Variants in FARS2 observed in about 807,000 individuals in gnomAD.
The protein encoded by FARS2 is phenylalanyl-tRNA synthetase 2, mitochondrial, also known as phenylalanine--tRNA ligase, mitochondrial.
Under a neutral mutation model 46.4 loss-of-function variants are expected in FARS2, and 40 were observed. That is an observed-to-expected ratio of 0.86 (90% CI 0.67 to 1.12). FARS2 has a LOEUF of 1.12. Ranked by LOEUF, FARS2 falls within the 50% of genes most tolerant of loss-of-function variation. The pLI is 0.00. For synonymous variants in FARS2, 234 were observed against 214.9 expected (o/e 1.09, Z -0.78); for missense variants, 513 against 567.9 (o/e 0.90, Z 0.98).
At chr6:5,758,187 G>C (rs940084043) in intron 6 of FARS2, among the ~76,000 whole-genome samples, 1 of 151,982 alleles carries the variant, frequency 6.6e-6, no homozygotes, top group African/African-American at 2.4e-5. Flanking sequence ...TTGAAGTCCT[G>C]TAATGCAGCC....
At chr6:5,260,704 T>C, upstream of FARS2, 3 of 1,548,932 alleles carry the variant, frequency 1.9e-6, 1 homozygote, top group Non-Finnish European at 2.6e-6. Flanking sequence ...GGTACAGAGA[T>C]AACACTTGTG....
chr6:5,758,784 A>G (rs1009081808), intron 6 of FARS2, among the ~76,000 whole-genome samples: 3 of 152,118 alleles, frequency 2.0e-5, no homozygotes, highest in Admixed American at 6.5e-5. Context: ...AATGGAGTCA[A>G]TTTAAAGTTG....
At position 5,618,126 on chromosome 6, in the gene FARS2, C is replaced by T. The variant is rs185189258; in HGVS notation, c.1217+4806C>T. Among the ~76,000 whole-genome samples, 23 of 152,290 alleles carry T rather than the reference C, an allele frequency of 1.5e-4. No homozygotes were observed. In the East Asian group the frequency reaches 2.9e-3, roughly 19 times the overall value. Reference sequence around the variant, plus strand: ...TTGTGTTCCAATGAAGCTTTGACTACAATATCAGACAGTGGAATGTGAATT... The same window carrying T: ...TTGTGTTCCAATGAAGCTTTGACTATAATATCAGACAGTGGAATGTGAATT... On this transcript the variant is annotated intron_variant, in intron 6 of 6. Transcript: ENST00000274680.
At chr6:5,566,436 A>T (rs571257309) in intron 5 of FARS2, among the ~76,000 whole-genome samples, 15 of 152,264 alleles carry the variant, frequency 9.9e-5, no homozygotes, top group African/African-American at 3.6e-4. Context: ...GTTGATTTTG[A>T]GAGGGATTTA....
At chr6:5,401,532 G>A (rs1761253121) in intron 2 of FARS2, among the ~76,000 whole-genome samples, 1 of 152,070 alleles carries the variant, frequency 6.6e-6, no homozygotes, top group Non-Finnish European at 1.5e-5. Context: ...CCAGCTTTTA[G>A]TCTGAAATCT....
chr6:5,714,854 A>G (rs1759397950), intron 6 of FARS2, among the ~76,000 whole-genome samples: 1 of 152,092 alleles, frequency 6.6e-6, no homozygotes, highest in East Asian at 1.9e-4. Flanking sequence ...GTAAAACCCC[A>G]TGTCTACTAA....
chr6:5,629,416 G>A (rs567564091), intron 6 of FARS2, among the ~76,000 whole-genome samples: 37 of 152,126 alleles, frequency 2.4e-4, no homozygotes, highest in Non-Finnish European at 4.6e-4. Flanking sequence ...GATATGGAAG[G>A]GGCCTAGAAA....
chr6:5,507,330 G>A (rs1353393124), intron 4 of FARS2, among the ~76,000 whole-genome samples: 5 of 152,056 alleles, frequency 3.3e-5, no homozygotes, highest in African/African-American at 1.2e-4. Context: ...ACCCATTTGG[G>A]GTTTGAGGTA....
At chr6:5,704,333 G>T (rs2150889542) in intron 6 of FARS2, among the ~76,000 whole-genome samples, 1 of 152,260 alleles carries the variant, frequency 6.6e-6, no homozygotes, top group South Asian at 2.1e-4. Flanking sequence ...CTTCATAAGG[G>T]CTCTGCCCTC....
chr6:5,448,326 G>C (rs1764290461), intron 4 of FARS2, among the ~76,000 whole-genome samples: 1 of 152,158 alleles, frequency 6.6e-6, no homozygotes, highest in Non-Finnish European at 1.5e-5. Context: ...TTTATTTGGG[G>C]TGTGAGTGTG....
At chr6:5,536,290 C>T (rs1011662021) in intron 4 of FARS2, among the ~76,000 whole-genome samples, 17 of 152,158 alleles carry the variant, frequency 1.1e-4, no homozygotes, top group South Asian at 2.1e-4. Flanking sequence ...CTCGGCCTCC[C>T]AAAGTGCTGG....
At chr6:5,680,022 A>G (rs1778954923) in intron 6 of FARS2, among the ~76,000 whole-genome samples, 1 of 152,238 alleles carries the variant, frequency 6.6e-6, no homozygotes, top group Admixed American at 6.5e-5. Flanking sequence ...CCTCCAACCC[A>G]ATATGGAAAC....
intron 5 of FARS2, among the ~76,000 whole-genome samples, chr6:5,574,326 G>A (rs373362947): frequency 3.3e-5 from 5 of 151,924 alleles, no homozygotes; most frequent in East Asian, 3.9e-4. Flanking sequence ...GGGTTTCACC[G>A]TGTTAGCCAG....
intron 6 of FARS2, among the ~76,000 whole-genome samples, chr6:5,766,420 G>A (rs969293102): frequency 6.6e-6 from 1 of 152,220 alleles, no homozygotes; most frequent in Admixed American, 6.5e-5. Flanking sequence ...TGTGCCCCAG[G>A]CACAGCCCAC....
At chr6:5,564,057 C>T (rs755701349) in intron 5 of FARS2, among the ~76,000 whole-genome samples, 3 of 152,192 alleles carry the variant, frequency 2.0e-5, no homozygotes, top group Non-Finnish European at 4.4e-5. Flanking sequence ...TTTCATGCTT[C>T]CTTTTTGTCA....
intron 4 of FARS2, among the ~76,000 whole-genome samples, chr6:5,483,002 G>A (rs989447839): frequency 6.6e-6 from 1 of 152,078 alleles, no homozygotes; most frequent in African/African-American, 2.4e-5. Context: ...GGAGCCATAC[G>A]CACATCTATC....
chr6:5,318,603 G>A (rs1047759217), intron 1 of FARS2, among the ~76,000 whole-genome samples: 2 of 152,288 alleles, frequency 1.3e-5, no homozygotes, highest in Middle Eastern at 3.4e-3. Context: ...GGCAGCAAAA[G>A]CAGAGATTTA....
chr6:5,668,686 G>GTTTTT (rs58819474), intron 6 of FARS2, among the ~76,000 whole-genome samples: 28 of 53,358 alleles, frequency 5.2e-4, no homozygotes, highest in South Asian at 1.1e-3. Context: ...GTGTGTTTGG[G>GTTTTT]TTTTTTTTTT....
chr6:5,266,836 A>G (rs1172632601), intron 1 of FARS2, among the ~76,000 whole-genome samples: 2 of 152,188 alleles, frequency 1.3e-5, no homozygotes, highest in African/African-American at 4.8e-5. Context: ...TTTAAGATAA[A>G]TTTACATTTT....
Sources: gnomAD v4.1 joint callset for allele counts (sites outside exome capture counted in the v4.1 genomes callset) on GRCh38, gnomAD v4.1.1 for gene constraint, MANE v1.5 for transcripts, NCBI Gene and HGNC (gene_info 2026-07-23, HGNC 2026-07-21) for gene names.